Variants in CERT1 observed in about 807,000 individuals in gnomAD.
CERT1 encodes the protein ceramide transfer protein.
Under a neutral mutation model 87.9 loss-of-function variants are expected in CERT1, and 31 were observed. The ratio of observed to expected loss-of-function variants is 0.35; its 90% confidence interval spans 0.27 to 0.48. The LOEUF is 0.48. Among genes scored for constraint, CERT1 ranks in the 20% least tolerant of loss-of-function variants. CERT1 has a pLI of 0.99. For synonymous variants in CERT1, 289 were observed against 250.9 expected, an observed-to-expected ratio of 1.15 and a Z score of -1.44; for missense variants, 487 against 758.0, an observed-to-expected ratio of 0.64 and a Z score of 4.20.
intron 11 of CERT1, among the ~76,000 whole-genome samples, chr5:75,395,881 AAACAACAACAACAAC>A (rs530981055): frequency 2.0e-5 from 3 of 151,670 alleles, no homozygotes; most frequent in Non-Finnish European, 2.9e-5. Context: ...ATGAAAAAAC[AAACAACAACAACAAC>A]AACAACAACA....
At chr5:75,503,697 T>G (rs1767489555) in intron 2 of CERT1, among the ~76,000 whole-genome samples, 1 of 151,872 alleles carries the variant, frequency 6.6e-6, no homozygotes, top group Non-Finnish European at 1.5e-5. Flanking sequence ...GAATTCAAAT[T>G]GTTTCTTGTT....
At chr5:75,493,107 C>T (rs1766874623) in intron 2 of CERT1, among the ~76,000 whole-genome samples, 1 of 152,186 alleles carries the variant, frequency 6.6e-6, no homozygotes, top group Non-Finnish European at 1.5e-5. Context: ...TATCTTTCAG[C>T]AGAAGACAGA....
chr5:75,383,984 C>T (rs893708365), intron 14 of CERT1, among the ~76,000 whole-genome samples: 3 of 152,118 alleles, frequency 2.0e-5, no homozygotes, highest in African/African-American at 7.2e-5. Flanking sequence ...TTTCTGTATG[C>T]TCTGGTGTAT....
chr5:75,441,584 C>G (rs1235601914), intron 3 of CERT1, among the ~76,000 whole-genome samples: 1 of 152,028 alleles, frequency 6.6e-6, no homozygotes, highest in Admixed American at 6.6e-5. Context: ...CCATTTTTCC[C>G]TCCCCCTATC....
chr5:75,447,275 G>GTCTA (rs2112266864), intron 3 of CERT1, among the ~76,000 whole-genome samples: 1 of 152,180 alleles, frequency 6.6e-6, no homozygotes, highest in Admixed American at 6.5e-5. Context: ...GGTAATTGTT[G>GTCTA]TCTAGGTGGG....
At chr5:75,407,831 A>T (rs939908653) in intron 8 of CERT1, among the ~76,000 whole-genome samples, 11 of 151,544 alleles carry the variant, frequency 7.3e-5, no homozygotes, top group African/African-American at 2.7e-4. Context: ...TGGGCCTTAA[A>T]GCGTGATAAA....
chr5:75,435,873 G>A (rs1022430136), intron 3 of CERT1, among the ~76,000 whole-genome samples: 2 of 152,214 alleles, frequency 1.3e-5, no homozygotes, highest in African/African-American at 4.8e-5. Flanking sequence ...GGTGGTGGTG[G>A]CTCCCTCACC....
chr5:75,442,825 C>T (rs1764380693), intron 3 of CERT1, among the ~76,000 whole-genome samples: 1 of 152,104 alleles, frequency 6.6e-6, no homozygotes, highest in South Asian at 2.1e-4. Flanking sequence ...CGCACATGTG[C>T]TCACATTCAT....
At position 75,459,083 on chromosome 5, in the gene CERT1, A is replaced by G; in HGVS notation, c.330T>C (p.Asp110=). 6.3e-7 allele frequency: 1 copy of G among 1,597,910 alleles called. No homozygotes were observed. Among genetic ancestry groups the G allele is most frequent in the Non-Finnish European group, 8.6e-7 (1 of 1,165,308 alleles). Residue 110 remains aspartate, a synonymous_variant, in exon 3 of 17, where the codon GAT becomes GAC. Coordinates refer to ENST00000643780, the MANE Select transcript of CERT1 (RefSeq NM_001379029.1). The stretch of plus-strand genomic sequence containing the variant: ...ATCTTACCTTGTGCTGTTCAATGGC[A>G]TCTATCCATTGCTGTCTATGATCTG... ...QDPDHRQQWI[D]AIEQHKTESG...
downstream of CERT1, chr5:75,376,773 A>G (rs943832042): frequency 1.3e-5 from 2 of 152,208 alleles, no homozygotes; most frequent in Non-Finnish European, 2.9e-5. Flanking sequence ...TCCTGGGATA[A>G]AGCTAAACAA....
At chr5:75,484,642 A>C (rs1766421267) in intron 2 of CERT1, among the ~76,000 whole-genome samples, 2 of 152,130 alleles carry the variant, frequency 1.3e-5, no homozygotes, top group Admixed American at 6.6e-5. Flanking sequence ...AGAAATAAGA[A>C]GGTCGTTACA....
In CERT1 at chr5:75,505,943, C is replaced by CAATAA. The variant is rs780253406; in HGVS notation, c.231+34_231+38dup. The CAATAA allele has an allele frequency of 1.3e-4, 200 of 1,548,570 alleles. 3 individuals carry two copies. The Admixed American group carries it at 3.2e-3, about 25-fold the overall frequency. Reference sequence around the variant, plus strand: ...CAGTTCCTGGTATGTAGCTGACACTCAATAAATATTTGTTGAATGAAGAAG... The same window carrying CAATAA: ...CAGTTCCTGGTATGTAGCTGACACTCAATAAAATAAATATTTGTTGAATGAAGAAG... On this transcript the variant is annotated intron_variant, in intron 2 of 16. Transcript: ENST00000643780.
intron 8 of CERT1, 40 bp downstream of exon 8, chr5:75,410,971 G>T: frequency 3.8e-6 from 4 of 1,055,600 alleles, no homozygotes; most frequent in South Asian, 1.4e-5. Context: ...TGATAGACAT[G>T]ATCTATGTGT....
At chr5:75,443,665 T>C (rs1174214464) in intron 3 of CERT1, among the ~76,000 whole-genome samples, 1 of 152,248 alleles carries the variant, frequency 6.6e-6, no homozygotes, top group Non-Finnish European at 1.5e-5. Flanking sequence ...CAGTGTTCTG[T>C]ATATGTCTTT....
chr5:75,380,405 A>C (rs1037919714), intron 16 of CERT1, among the ~76,000 whole-genome samples: 2 of 152,242 alleles, frequency 1.3e-5, no homozygotes, highest in Non-Finnish European at 2.9e-5. Context: ...ACAATGAGTA[A>C]AAGAACTCTT....
At chr5:75,494,359 T>G (rs1439004458) in intron 2 of CERT1, among the ~76,000 whole-genome samples, 2 of 152,168 alleles carry the variant, frequency 1.3e-5, no homozygotes, top group Non-Finnish European at 2.9e-5. Context: ...TAAAGTTTGT[T>G]GGCCAGAGTT....
At chr5:75,401,638 T>C (rs559190772) in intron 9 of CERT1, 9 of 152,298 alleles carry the variant, frequency 5.9e-5, no homozygotes, top group Admixed American at 2.0e-4. Flanking sequence ...GTACATAGCA[T>C]CTTTTGGGTA....
At chr5:75,384,577 AGAATCTATATGTCTGAGTTTGAACTAC>A (rs1561222889) in intron 14 of CERT1, 38 bp downstream of exon 14, 1 of 1,121,724 alleles carries the variant, frequency 8.9e-7, no homozygotes, top group Non-Finnish European at 1.3e-6. Context: ...TTTACTTTAG[AGAATCTATATGTCTGAGTTTGAACTAC>A]ATTGAAATCC....
At chr5:75,382,312 A>C (rs2111997391) in intron 14 of CERT1, among the ~76,000 whole-genome samples, 1 of 152,298 alleles carries the variant, frequency 6.6e-6, no homozygotes, top group Middle Eastern at 3.4e-3. Flanking sequence ...TACACGTATA[A>C]TTTGTCATTT....
Sources: gnomAD v4.1 joint callset for allele counts (sites outside exome capture counted in the v4.1 genomes callset) on GRCh38, gnomAD v4.1.1 for gene constraint, MANE v1.5 for transcripts, NCBI Gene and HGNC (gene_info 2026-07-23, HGNC 2026-07-21) for gene names.